The following SLC39A8 variants were observed in gnomAD, a reference collection of about 807,000 sequenced individuals.
SLC39A8 encodes the protein solute carrier family 39 member 8, also known as metal cation symporter ZIP8.
SLC39A8 carries 15 observed loss-of-function variants against 40.4 expected under a neutral mutation model. The observed-to-expected ratio is 0.37, with a 90% CI of 0.25 to 0.57. SLC39A8 has a LOEUF of 0.57. SLC39A8 is among the 20% of genes least tolerant of loss of function. SLC39A8 has a pLI of 0.75. For missense variants in SLC39A8, 472 were observed against 558.8 expected, an observed-to-expected ratio of 0.84 and a Z score of 1.57; for synonymous variants, 223 against 221.6, an observed-to-expected ratio of 1.01 and a Z score of -0.06.
intron 2 of SLC39A8, among the ~76,000 whole-genome samples, chr4:102,325,442 T>C (rs1343893162): frequency 1.3e-5 from 2 of 152,062 alleles, no homozygotes; most frequent in African/African-American, 4.8e-5. Flanking sequence ...TACACATACA[T>C]ACACACACAC....
intron 6 of SLC39A8, among the ~76,000 whole-genome samples, chr4:102,291,798 T>C (rs1376471111): frequency 1.3e-5 from 2 of 151,906 alleles, no homozygotes; most frequent in Non-Finnish European, 2.9e-5. Context: ...AGCATCAAAA[T>C]TCAATCCATC....
At chr4:102,310,492 T>C (rs2149037382) in intron 3 of SLC39A8, among the ~76,000 whole-genome samples, 1 of 152,266 alleles carries the variant, frequency 6.6e-6, no homozygotes, top group East Asian at 1.9e-4. Context: ...ATTCCCCATT[T>C]CAAGGTGCAG....
At chr4:102,273,107 C>T (rs151406) in intron 6 of SLC39A8, among the ~76,000 whole-genome samples, 26,773 of 152,042 alleles carry the variant, frequency 0.18, 2,654 homozygotes, top group Non-Finnish European at 0.23. Flanking sequence ...TCATTCACTC[C>T]CCTGGAAAGG....
At chr4:102,256,478 C>G (rs757047050) in intron 11 of SLC39A8, among the ~76,000 whole-genome samples, 1 of 152,098 alleles carries the variant, frequency 6.6e-6, no homozygotes, top group Non-Finnish European at 1.5e-5. Flanking sequence ...TTTATCTAGT[C>G]AAAAGATTCT....
downstream of SLC39A8, chr4:102,259,638 C>G: frequency 1.5e-6 from 1 of 681,948 alleles, no homozygotes; most frequent in Admixed American, 2.7e-5. Context: ...CTTAGCATGG[C>G]CAACCCGAAA....
chr4:102,287,559 C>T (rs1006528329), intron 6 of SLC39A8, among the ~76,000 whole-genome samples: 3 of 152,048 alleles, frequency 2.0e-5, no homozygotes, highest in Non-Finnish European at 4.4e-5. Context: ...GCATCACGTC[C>T]CACCCCAAAA....
rs1733927978 is a variant in SLC39A8 at position 102,301,527 on chromosome 4, A to G, written c.840+2790T>C. Among the ~76,000 whole-genome samples, 3 of 152,036 alleles carry G rather than the reference A, an allele frequency of 2.0e-5. No homozygotes were observed. The South Asian group carries it at 6.2e-4, about 32-fold the overall frequency. On this transcript the variant is annotated intron_variant, in intron 6 of 8. Transcript: ENST00000356736. ...GCTCATTTCTATATTTTATGTTTCC[A>G]TTGAATAAACTGTAAGCTCCTCAAG...
At chr4:102,255,399 A>T (rs1230910715) in intron 11 of SLC39A8, among the ~76,000 whole-genome samples, 1 of 152,202 alleles carries the variant, frequency 6.6e-6, no homozygotes, top group Non-Finnish European at 1.5e-5. Flanking sequence ...AACCAAAGAC[A>T]ACACAACTCT....
chr4:102,272,954 C>A lies in SLC39A8; in HGVS notation c.841-4875G>T, dbSNP rs115923247. ...TCCCAAGGTCTTTGCAACCTACAGA[C>A]CAGGAGATTCCCTAGGGTGCCTACA... On this transcript the variant is annotated intron_variant, in intron 6 of 8. Coordinates refer to ENST00000356736, the MANE Select transcript of SLC39A8 (RefSeq NM_001135146.2). Among the ~76,000 whole-genome samples, 668 of 152,280 alleles carry A rather than the reference C, an allele frequency of 4.4e-3. 5 individuals carry two copies. The highest frequency in any genetic ancestry group is 7.9e-3 in the Non-Finnish European group (535 of 68,018).
At chr4:102,270,752 T>C (rs1398260012) in intron 6 of SLC39A8, among the ~76,000 whole-genome samples, 1 of 152,098 alleles carries the variant, frequency 6.6e-6, no homozygotes, top group Non-Finnish European at 1.5e-5. Flanking sequence ...ACTTAGTTAT[T>C]AATGGGGATG....
chr4:102,267,303 A>G (rs1242556682), intron 8 of SLC39A8, among the ~76,000 whole-genome samples, 187 bp downstream of exon 8: 1 of 152,252 alleles, frequency 6.6e-6, no homozygotes, highest in Non-Finnish European at 1.5e-5. Flanking sequence ...AGTGAGGATC[A>G]GTTTCAAATT....
At chr4:102,340,921 A>G (rs556978373) in intron 2 of SLC39A8, among the ~76,000 whole-genome samples, 1 of 152,332 alleles carries the variant, frequency 6.6e-6, no homozygotes, top group Admixed American at 6.5e-5. Flanking sequence ...GGTCCAAGGA[A>G]GATAATGAGT....
At chr4:102,295,625 A>G (rs62327949) in intron 6 of SLC39A8, among the ~76,000 whole-genome samples, 46,743 of 151,880 alleles carry the variant, frequency 0.31, 7,635 homozygotes, top group East Asian at 0.41. Flanking sequence ...CAGCTCCTGG[A>G]CTCAAGTGAT....
At chr4:102,320,288 A>G (rs1001725195) in intron 2 of SLC39A8, among the ~76,000 whole-genome samples, 1 of 121,012 alleles carries the variant, frequency 8.3e-6, no homozygotes, top group Non-Finnish European at 1.7e-5. Context: ...ATATGAGTAT[A>G]TATATGAGAA....
At chr4:102,307,627 G>A (rs1734244025) in intron 3 of SLC39A8, 22 bp from the exon 4 acceptor site, 1 of 1,604,370 alleles carries the variant, frequency 6.2e-7, no homozygotes, top group Non-Finnish European at 8.5e-7. Flanking sequence ...AGGGAAAAGA[G>A]AGTAGAAATT....
intron 3 of SLC39A8, among the ~76,000 whole-genome samples, chr4:102,312,377 C>T (rs1426560295): frequency 6.6e-6 from 1 of 151,982 alleles, no homozygotes; most frequent in Non-Finnish European, 1.5e-5. Flanking sequence ...ATTTGGTGAT[C>T]CCATAACTTA....
intron 2 of SLC39A8, among the ~76,000 whole-genome samples, chr4:102,330,633 C>CA (rs1435121013): frequency 6.6e-6 from 1 of 152,258 alleles, no homozygotes; most frequent in East Asian, 1.9e-4. Flanking sequence ...GATACTATCC[C>CA]AAACAGTAGA....
intron 6 of SLC39A8, among the ~76,000 whole-genome samples, chr4:102,271,039 G>A (rs937272558): frequency 2.0e-5 from 3 of 151,924 alleles, no homozygotes; most frequent in Non-Finnish European, 4.4e-5. Context: ...GGAGGAGGAG[G>A]AGGAAGACAA....
chr4:102,338,171 G>C (rs1228288495), intron 2 of SLC39A8, among the ~76,000 whole-genome samples: 2 of 147,842 alleles, frequency 1.4e-5, no homozygotes. Flanking sequence ...ACTTTTCACA[G>C]TTTCCATCTT....
Sources: gnomAD v4.1 joint callset for allele counts (sites outside exome capture counted in the v4.1 genomes callset) on GRCh38, gnomAD v4.1.1 for gene constraint, MANE v1.5 for transcripts, NCBI Gene and HGNC (gene_info 2026-07-23, HGNC 2026-07-21) for gene names.